CNTN5: variants seen among roughly 807,000 people sequenced by gnomAD.
The protein encoded by CNTN5 is contactin-5.
Under a neutral mutation model 129.1 loss-of-function variants are expected in CNTN5, and 77 were observed. That is an observed-to-expected ratio of 0.60 (90% CI 0.50 to 0.72). The LOEUF (loss-of-function observed/expected upper bound fraction) is 0.72, where lower values mean the gene tolerates loss of function less well. Among genes scored for constraint, CNTN5 ranks in the 30% least tolerant of loss-of-function variants. The pLI is 0.00. For missense variants in CNTN5, 1,478 were observed against 1,328.8 expected, an observed-to-expected ratio of 1.11 and a Z score of -1.75; for synonymous variants, 509 against 465.6, an observed-to-expected ratio of 1.09 and a Z score of -1.20.
At chr11:99,640,707 C>CA (rs1951739171) in intron 3 of CNTN5, among the ~76,000 whole-genome samples, 1 of 152,138 alleles carries the variant, frequency 6.6e-6, no homozygotes, top group South Asian at 2.1e-4. Flanking sequence ...AGCCTAGAAG[C>CA]AATAGGCTAT....
chr11:99,584,478 A>G (rs768596988), intron 3 of CNTN5, among the ~76,000 whole-genome samples: 3 of 152,154 alleles, frequency 2.0e-5, no homozygotes, highest in Non-Finnish European at 2.9e-5. Flanking sequence ...TATTCTCTTG[A>G]CATTGTTACT....
At chr11:100,263,090 G>A (rs576168777) in intron 17 of CNTN5, among the ~76,000 whole-genome samples, 1 of 151,950 alleles carries the variant, frequency 6.6e-6, no homozygotes, top group Admixed American at 6.6e-5. Flanking sequence ...CTCCAAATGT[G>A]GCTGTCCAGC....
intron 3 of CNTN5, among the ~76,000 whole-genome samples, chr11:99,640,561 A>G (rs1951733548): frequency 6.6e-6 from 1 of 152,164 alleles, no homozygotes; most frequent in Non-Finnish European, 1.5e-5. Flanking sequence ...TCCAATTGAG[A>G]TTTGAATGGG....
At chr11:99,173,221 A>G (rs750634681) in intron 1 of CNTN5, among the ~76,000 whole-genome samples, 1 of 152,166 alleles carries the variant, frequency 6.6e-6, no homozygotes, top group South Asian at 2.1e-4. Context: ...CAGCCAAACC[A>G]TATCAATTTT....
At chr11:99,499,781 T>C (rs12417268) in intron 2 of CNTN5, among the ~76,000 whole-genome samples, 1 of 152,238 alleles carries the variant, frequency 6.6e-6, no homozygotes, top group Admixed American at 6.5e-5. Context: ...TTTAATCAAT[T>C]GAACAGTTAT....
rs150611961 is a variant in CNTN5, at chr11:99,873,351, A to G, written c.577+28089A>G. Among the ~76,000 whole-genome samples the G allele has an allele frequency of 4.9e-3, 742 of 152,184 alleles. 5 individuals are homozygous for G. The highest frequency in any genetic ancestry group is 0.015 in the African/African-American group (631 of 41,544). On this transcript the variant is annotated intron_variant, in intron 6 of 24. Transcript: ENST00000524871. ...GATAAATAATTAGTATTCAGAATCT[A>G]TAAGAACTCAACAAGAAAAAAACTA...
At chr11:99,862,500 T>A (rs1565616268) in intron 6 of CNTN5, among the ~76,000 whole-genome samples, 1 of 152,094 alleles carries the variant, frequency 6.6e-6, no homozygotes, top group Non-Finnish European at 1.5e-5. Flanking sequence ...CACAGTATTG[T>A]ACAAAGGAGT....
chr11:99,657,236 A>G (rs756971031), intron 3 of CNTN5, among the ~76,000 whole-genome samples: 5 of 152,114 alleles, frequency 3.3e-5, no homozygotes, highest in Admixed American at 1.3e-4. Context: ...TGTTAAAGGG[A>G]AAGTCTTTCC....
At chr11:100,073,395 T>C (rs182229385) in intron 12 of CNTN5, among the ~76,000 whole-genome samples, 2 of 152,136 alleles carry the variant, frequency 1.3e-5, no homozygotes, top group African/African-American at 2.4e-5. Context: ...ATTCTATACA[T>C]ATCTTTTTCA....
chr11:99,702,519 T>C (rs1280413900), intron 3 of CNTN5, among the ~76,000 whole-genome samples: 1 of 150,998 alleles, frequency 6.6e-6, no homozygotes, highest in African/African-American at 2.4e-5. Flanking sequence ...GTAATTATTA[T>C]CATAATCAGT....
intron 1 of CNTN5, among the ~76,000 whole-genome samples, chr11:99,040,646 G>A (rs1447573789): frequency 1.3e-5 from 2 of 152,098 alleles, no homozygotes; most frequent in Non-Finnish European, 2.9e-5. Flanking sequence ...AGGTTTATTT[G>A]ATGTTTACTA....
At chr11:99,244,589 A>C (rs1861725139) in intron 1 of CNTN5, among the ~76,000 whole-genome samples, 1 of 152,158 alleles carries the variant, frequency 6.6e-6, no homozygotes. Context: ...ACTTCGAGTT[A>C]TACTCAGTGA....
At chr11:100,342,352 C>A (rs1653575539) in intron 23 of CNTN5, among the ~76,000 whole-genome samples, 1 of 152,066 alleles carries the variant, frequency 6.6e-6, no homozygotes, top group African/African-American at 2.4e-5. Flanking sequence ...TTAGGGATAG[C>A]AGGCGAGAAA....
At chr11:99,786,175 A>T (rs576647492) in intron 3 of CNTN5, among the ~76,000 whole-genome samples, 7 of 152,154 alleles carry the variant, frequency 4.6e-5, no homozygotes, top group African/African-American at 1.2e-4. Context: ...TACAAAATCA[A>T]TGTGCAAAAA....
chr11:99,126,842 C>A (rs1470771971), intron 1 of CNTN5, among the ~76,000 whole-genome samples: 1 of 152,134 alleles, frequency 6.6e-6, no homozygotes, highest in African/African-American at 2.4e-5. Flanking sequence ...GTATTATCTT[C>A]CACTGGATGT....
rs573162707 is a variant in CNTN5 at position 99,966,155 on chromosome 11, T to G, written c.877+9146T>G. ...AAAATCATTTCAAGAACATTGTGTTTTTACACTTCTCTGAAAAAATGTAGA... is the reference window on the plus strand; with the variant it reads ...AAAATCATTTCAAGAACATTGTGTTGTTACACTTCTCTGAAAAAATGTAGA... On this transcript the variant is annotated intron_variant, in intron 8 of 24. Transcript: ENST00000524871. Among the ~76,000 whole-genome samples the G allele has an allele frequency of 5.3e-5, 8 of 152,292 alleles. No individual in the cohort carries two copies. In the South Asian group the frequency reaches 8.3e-4, roughly 16 times the overall value.
chr11:99,281,097 A>C (rs994625427), intron 1 of CNTN5, among the ~76,000 whole-genome samples: 1 of 151,902 alleles, frequency 6.6e-6, no homozygotes, highest in Non-Finnish European at 1.5e-5. Context: ...TAATCAGAAT[A>C]AGCATAGATA....
Position 99,637,596 on chromosome 11 carries a change from T to C in CNTN5, c.55+81327T>C, listed in dbSNP as rs1327403163. 2.6e-5 allele frequency among the ~76,000 whole-genome samples: 4 copies of C among 152,160 alleles called. No homozygotes were observed. In the East Asian group the frequency reaches 7.7e-4, roughly 29 times the overall value. ...TAAAAATCAGTATTTTTTTAAGTAG[T>C]AGGAAATGGGCATTTCTCATATTCT... is the stretch of plus-strand genomic sequence containing the variant. On this transcript the variant is annotated intron_variant, in intron 3 of 24. Coordinates refer to ENST00000524871, the MANE Select transcript of CNTN5 (RefSeq NM_014361.4).
intron 13 of CNTN5, among the ~76,000 whole-genome samples, chr11:100,146,393 A>G (rs1373171196): frequency 1.3e-5 from 2 of 152,244 alleles, no homozygotes; most frequent in East Asian, 3.9e-4. Flanking sequence ...TCTAATCAGG[A>G]GTACACACAC....
Sources: gnomAD v4.1 joint callset for allele counts (sites outside exome capture counted in the v4.1 genomes callset) on GRCh38, gnomAD v4.1.1 for gene constraint, MANE v1.5 for transcripts, NCBI Gene and HGNC (gene_info 2026-07-23, HGNC 2026-07-21) for gene names.